PIK3R1: variants seen among roughly 807,000 people sequenced by gnomAD.
PIK3R1 encodes the protein phosphatidylinositol 3-kinase regulatory subunit alpha.
Under a neutral mutation model 98.0 loss-of-function variants are expected in PIK3R1, and 29 were observed. That is an observed-to-expected ratio of 0.30 (90% confidence interval 0.22 to 0.40). The LOEUF (loss-of-function observed/expected upper bound fraction) is 0.40, where lower values mean the gene tolerates loss of function less well. PIK3R1 is among the 10% of genes least tolerant of loss of function. The pLI, the probability that PIK3R1 is intolerant of heterozygous loss-of-function variation, is 1.00. For synonymous variants in PIK3R1, 282 were observed against 311.8 expected, an observed-to-expected ratio of 0.90 and a Z score of 1.01; for missense variants, 596 against 872.7, an observed-to-expected ratio of 0.68 and a Z score of 3.99.
intron 1 of PIK3R1, among the ~76,000 whole-genome samples, chr5:68,223,292 C>T (rs1744160096): frequency 6.6e-6 from 1 of 151,956 alleles, no homozygotes; most frequent in African/African-American, 2.4e-5. Context: ...GGGTGGCTGC[C>T]TTCTCTGTCT....
chr5:68,285,195 T>G (rs1026142747), intron 7 of PIK3R1, among the ~76,000 whole-genome samples: 4 of 152,216 alleles, frequency 2.6e-5, no homozygotes, highest in Admixed American at 1.3e-4. Context: ...AGTCTAATAT[T>G]GCACCCTCAA....
chr5:68,296,483 C>A, intron 15 of PIK3R1, 142 bp downstream of exon 15: 3 of 743,214 alleles, frequency 4.0e-6, no homozygotes, highest in Non-Finnish European at 6.5e-6. Flanking sequence ...GAAGAGAAAC[C>A]AAAGCAGCTG....
chr5:68,299,766 A>T lies in PIK3R1; in HGVS notation c.*2165A>T, dbSNP rs1396583890. On this transcript the variant is annotated 3_prime_UTR_variant, in exon 16 of 16. Coordinates refer to ENST00000521381, the MANE Select transcript of PIK3R1 (RefSeq NM_181523.3). ...TGCAGCTGAGTGAAAAATCTGTGGAATGTATTATTTGTCCTCTTTACATGA... is the reference window on the plus strand; with the variant it reads ...TGCAGCTGAGTGAAAAATCTGTGGATTGTATTATTTGTCCTCTTTACATGA... 4.3e-6 allele frequency: 1 copy of T among 233,084 alleles called. No homozygotes were observed. Among genetic ancestry groups the T allele is most frequent in the Admixed American group, 5.6e-5 (1 of 17,778 alleles). 14.4% of individuals were successfully genotyped at this position (233,084 alleles called of 1,614,324 possible).
chr5:68,283,107 T>C (rs1746918119), intron 7 of PIK3R1, among the ~76,000 whole-genome samples: 1 of 152,236 alleles, frequency 6.6e-6, no homozygotes, highest in South Asian at 2.1e-4. Context: ...CTTAGAGTCC[T>C]TCAGCATTGC....
Position 68,298,726 on chromosome 5 carries a change from T to TTATTCAATAAAAAAAAG in PIK3R1, c.*1126_*1142dup. The TTATTCAATAAAAAAAAG allele has an allele frequency of 4.3e-6, 1 of 233,420 alleles. No individual in the cohort carries two copies. The highest frequency in any genetic ancestry group is 8.5e-6 in the Non-Finnish European group (1 of 117,934). The allele number at this position is 233,420 out of a possible 1,614,324, so 14.5% of individuals were successfully genotyped here. On this transcript the variant is annotated 3_prime_UTR_variant, in exon 16 of 16. Transcript: ENST00000521381. ...GTGCCTGATAAGCTTCAAAGCTGCT[T>TTATTCAATAAAAAAAAG]TATTCAATAAAAAAAAGAAATGAAA...
intron 7 of PIK3R1, among the ~76,000 whole-genome samples, chr5:68,284,161 A>G (rs1281993685): frequency 6.6e-6 from 1 of 152,170 alleles, no homozygotes; most frequent in Non-Finnish European, 1.5e-5. Flanking sequence ...ATGAGATTTA[A>G]TGAACTGATA....
intron 2 of PIK3R1, among the ~76,000 whole-genome samples, chr5:68,260,219 A>G (rs563702569): frequency 1.9e-4 from 29 of 152,242 alleles, no homozygotes; most frequent in Admixed American, 5.9e-4. Context: ...TTATTTTCCA[A>G]AGAATTAAAT....
At chr5:68,250,069 G>A (rs1204135798) in intron 2 of PIK3R1, among the ~76,000 whole-genome samples, 4 of 152,202 alleles carry the variant, frequency 2.6e-5, no homozygotes, top group Admixed American at 1.3e-4. Flanking sequence ...ATGAGCGAGC[G>A]TGCCACCCCA....
intron 7 of PIK3R1, among the ~76,000 whole-genome samples, chr5:68,281,779 A>G (rs920736375): frequency 1.5e-4 from 23 of 152,196 alleles, no homozygotes; most frequent in Non-Finnish European, 2.6e-4. Flanking sequence ...AACTCCATGA[A>G]TATATTTATT....
chr5:68,279,637 C>A lies in PIK3R1; in HGVS notation c.538C>A (p.His180Asn), dbSNP rs1359863360. The part of the protein sequence containing the change: ...PSVDLEMIDV[H>N]VLADAFKRYL... ...CGTGGACTTGGAAATGATCGATGTG[C>A]ACGTTTTGGCTGACGCTTTCAAACG... is the stretch of plus-strand genomic sequence containing the variant. The change falls in exon 5 of 16, where the codon CAC becomes AAC. Residue 180 changes from histidine to asparagine, a missense_variant. Coordinates refer to ENST00000521381, the MANE Select transcript of PIK3R1 (RefSeq NM_181523.3). 6.2e-7 allele frequency: 1 copy of A among 1,613,548 alleles called. No individual in the cohort carries two copies. Among genetic ancestry groups the A allele is most frequent in the Non-Finnish European group, 8.5e-7 (1 of 1,179,678 alleles).
intron 2 of PIK3R1, among the ~76,000 whole-genome samples, chr5:68,259,349 C>G (rs1262822636): frequency 1.3e-5 from 2 of 152,080 alleles, no homozygotes; most frequent in East Asian, 3.8e-4. Flanking sequence ...ACAGCGAGAC[C>G]CCACTATTTA....
intron 2 of PIK3R1, among the ~76,000 whole-genome samples, chr5:68,235,620 AAAGT>A (rs1238844916): frequency 6.6e-6 from 1 of 152,100 alleles, no homozygotes; most frequent in Non-Finnish European, 1.5e-5. Context: ...CAGGTAGCAA[AAAGT>A]AAGTTTATTT....
At position 68,283,768 on chromosome 5, in the gene PIK3R1, C is replaced by T. The variant is rs548387418; in HGVS notation, c.916+2762C>T. On this transcript the variant is annotated intron_variant, in intron 7 of 15. Coordinates refer to ENST00000521381, the MANE Select transcript of PIK3R1 (RefSeq NM_181523.3). ...CTACCCGGCCAGTATGGGCCCAAAC[C>T]GGGTCTGCCCAGGAGCCGCCTCCTA... Among the ~76,000 whole-genome samples the T allele has an allele frequency of 1.1e-3, 164 of 152,290 alleles. 1 individual carries two copies. The highest frequency in any genetic ancestry group is 3.8e-3 in the African/African-American group (156 of 41,560).
rs1746769668 is a variant in PIK3R1 at position 68,280,213 on chromosome 5, T to C, written c.635-315T>C. ...TCAAAGTTAAAACCTGTGATACTTA[T>C]CTGATGCTCCTCTGAGTTAGCCAAT... is the stretch of plus-strand genomic sequence containing the variant. On this transcript the variant is annotated intron_variant, in intron 5 of 15. Transcript: ENST00000521381. The C allele has an allele frequency of 7.6e-6, 3 of 396,914 alleles. No homozygotes were observed. The Admixed American group carries it at 1.2e-4, about 17-fold the overall frequency. The allele number at this position is 396,914 out of a possible 1,614,324, so 24.6% of individuals were successfully genotyped here.
rs1747940867 is a variant in PIK3R1 at position 68,299,834 on chromosome 5, G to A, written c.*2233G>A. 1 of 233,078 alleles carries A rather than the reference G, an allele frequency of 4.3e-6. No individual in the cohort carries two copies. 14.4% of individuals were successfully genotyped at this position (233,078 alleles called of 1,614,324 possible). ...CAAAAGTCAGTCTTATAGCAAGACT[G>A]TTAGCCCTCAAACTTGACTCTACTG... On this transcript the variant is annotated 3_prime_UTR_variant, in exon 16 of 16. Transcript: ENST00000521381.
intron 2 of PIK3R1, among the ~76,000 whole-genome samples, chr5:68,235,282 A>G (rs1259304966): frequency 6.6e-6 from 1 of 152,084 alleles, no homozygotes; most frequent in East Asian, 1.9e-4. Flanking sequence ...GCATGCCTGT[A>G]ATCCCAGCTA....
intron 2 of PIK3R1, among the ~76,000 whole-genome samples, chr5:68,237,731 A>T (rs939790635): frequency 3.9e-5 from 6 of 152,188 alleles, no homozygotes; most frequent in East Asian, 1.9e-4. Context: ...GAAAAAAAAA[A>T]ATATTCTTAA....
chr5:68,251,998 A>G (rs1745329361), intron 2 of PIK3R1, among the ~76,000 whole-genome samples: 1 of 152,202 alleles, frequency 6.6e-6, no homozygotes, highest in Non-Finnish European at 1.5e-5. Flanking sequence ...GGAATGAGGT[A>G]GAATTCACTA....
At chr5:68,260,543 C>CT (rs899493166) in intron 2 of PIK3R1, among the ~76,000 whole-genome samples, 118 of 152,250 alleles carry the variant, frequency 7.8e-4, no homozygotes, top group African/African-American at 2.7e-3. Context: ...GACAAGGGCC[C>CT]TTGGATGCAG....
Sources: gnomAD v4.1 joint callset for allele counts (sites outside exome capture counted in the v4.1 genomes callset) on GRCh38, gnomAD v4.1.1 for gene constraint, MANE v1.5 for transcripts, NCBI Gene and HGNC (gene_info 2026-07-23, HGNC 2026-07-21) for gene names.